Variants in TMEM127 observed in about 807,000 individuals in gnomAD.
The protein encoded by TMEM127 is transmembrane protein 127.
Under a neutral mutation model 20.1 loss-of-function variants are expected in TMEM127, and 21 were observed. The ratio of observed to expected loss-of-function variants is 1.04; its 90% CI spans 0.74 to 1.50. TMEM127 has a LOEUF of 1.50. Ranked by LOEUF, TMEM127 falls within the 40% of genes most tolerant of loss-of-function variation. TMEM127 has a pLI of 0.00. For synonymous variants in TMEM127, 150 were observed against 144.7 expected (o/e 1.04, Z -0.26); for missense variants, 303 against 317.4 (o/e 0.95, Z 0.34).
intron 2 of TMEM127, among the ~76,000 whole-genome samples, chr2:96,264,754 C>G (rs1428637829): frequency 6.6e-6 from 1 of 152,256 alleles, no homozygotes; most frequent in African/African-American, 2.4e-5. Flanking sequence ...AAAACCTAGT[C>G]ATATTAAAAG....
intron 2 of TMEM127, among the ~76,000 whole-genome samples, chr2:96,262,497 T>G (rs1041799443): frequency 6.6e-6 from 1 of 152,160 alleles, no homozygotes; most frequent in Admixed American, 6.5e-5. Context: ...CCTTACTGAT[T>G]CTTCTGTGAT....
chr2:96,263,851 T>C (rs1313090135), intron 2 of TMEM127, among the ~76,000 whole-genome samples: 1 of 152,124 alleles, frequency 6.6e-6, no homozygotes, highest in East Asian at 1.9e-4. Flanking sequence ...AGAAAGCAAG[T>C]ACAGGGCAAT....
At position 96,253,431 on chromosome 2, in the gene TMEM127, T is replaced by A; in HGVS notation, c.*377A>T. ...TGAGCCTCCAGGGCACAGTCCCCTT[T>A]CCCTTGGGCCCTTTGACACTTGTTT... On this transcript the variant is annotated 3_prime_UTR_variant, in exon 4 of 4. Coordinates refer to ENST00000258439, the MANE Select transcript of TMEM127 (RefSeq NM_017849.4). This position sits in a 1 kb window ranked among gnomAD's most constrained non-coding sequence, Gnocchi z 4.3. 9.7e-6 allele frequency: 3 copies of A among 309,926 alleles called. No individual in the cohort carries two copies. Among genetic ancestry groups the A allele is most frequent in the Admixed American group, 4.6e-5 (1 of 21,948 alleles). 19.2% of individuals were successfully genotyped at this position (309,926 alleles called of 1,614,324 possible).
At chr2:96,263,203 T>C (rs1684346392) in intron 2 of TMEM127, among the ~76,000 whole-genome samples, 1 of 151,890 alleles carries the variant, frequency 6.6e-6, no homozygotes, top group South Asian at 2.1e-4. Flanking sequence ...TACAGGCGTG[T>C]GCCACCACAC....
rs1310255001 is a variant in TMEM127, at chr2:96,253,005, C to T, written c.*803G>A. On this transcript the variant is annotated 3_prime_UTR_variant, in exon 4 of 4. Coordinates refer to ENST00000258439, the MANE Select transcript of TMEM127 (RefSeq NM_017849.4). The surrounding 1 kb of genome is among the most constrained non-coding windows in gnomAD (Gnocchi z 4.3). The stretch of plus-strand genomic sequence containing the variant: ...GTCTAAAAAGTGACAACAGTCTTGT[C>T]CCTATTTTAAAAACAGAATATTGTT... 4.3e-6 allele frequency: 1 copy of T among 233,178 alleles called. No homozygotes were observed. Among genetic ancestry groups the T allele is most frequent in the Non-Finnish European group, 8.5e-6 (1 of 118,056 alleles). The allele number at this position is 233,178 out of a possible 1,614,324, so 14.4% of individuals were successfully genotyped here.
At position 96,254,911 on chromosome 2, in the gene TMEM127, A is replaced by G. The variant is rs1558752478; in HGVS notation, c.331T>C (p.Phe111Leu). Residue 111 changes from phenylalanine to leucine, a missense_variant, in exon 3 of 4, where the codon TTC (phenylalanine) becomes CTC (leucine). By Grantham distance (22) the Phe-to-Leu change is conservative (BLOSUM62 0). Transcript: ENST00000258439. Reference protein sequence around the residue: ...FLGILCSLSAFLLDVFGPKHP... With the variant: ...FLGILCSLSALLLDVFGPKHP... ...TTCGGCCCAAAGACATCCAGAAGGA[A>G]AGCGGAGAGACTACACAGGATGCCC... The G allele has an allele frequency of 6.2e-7, 1 of 1,614,190 alleles. No homozygotes were observed. Among genetic ancestry groups the G allele is most frequent in the Non-Finnish European group, 8.5e-7 (1 of 1,180,014 alleles).
intron 2 of TMEM127, among the ~76,000 whole-genome samples, chr2:96,263,146 C>G (rs1028637566): frequency 6.6e-6 from 1 of 151,444 alleles, no homozygotes; most frequent in Non-Finnish European, 1.5e-5. Context: ...CCTCTACTTC[C>G]TGGGTTCAAG....
chr2:96,256,520 G>A lies in TMEM127; in HGVS notation c.245-1523C>T, dbSNP rs111864756. 4.4e-4 allele frequency among the ~76,000 whole-genome samples: 65 copies of A among 147,346 alleles called. 2 individuals carry two copies. The East Asian group carries it at 6.9e-3, about 16-fold the overall frequency. ...TGGGAGATGGAGGTTGCGGTGAGCC[G>A]AGATTGCGCCTTCACACTCCAGCAT... On this transcript the variant is annotated intron_variant, in intron 2 of 3. Coordinates refer to ENST00000258439, the MANE Select transcript of TMEM127 (RefSeq NM_017849.4).
At chr2:96,257,907 C>T (rs960684563) in intron 2 of TMEM127, among the ~76,000 whole-genome samples, 6 of 138,762 alleles carry the variant, frequency 4.3e-5, no homozygotes, top group African/African-American at 1.5e-4. Context: ...AGAGTGACTC[C>T]GCCTCAAAAA....
Position 96,265,860 on chromosome 2 carries a change from G to A in TMEM127, c.-132+9C>T. ...AAAGACCCTCCCCACGCCGCCCACT[G>A]TTCCTCACCAGTCAGCAGGCCCCAG... On this transcript the variant is annotated intron_variant, in intron 1 of 3. Transcript: ENST00000258439. 5.8e-6 allele frequency: 1 copy of A among 173,216 alleles called. No homozygotes were observed. The highest frequency in any genetic ancestry group is 1.2e-5 in the Non-Finnish European group (1 of 82,002). The allele number at this position is 173,216 out of a possible 1,614,324, so 10.7% of individuals were successfully genotyped here. A position where few individuals can be genotyped will look rare whatever the true frequency, so the allele number is the denominator to read the frequency against.
intron 2 of TMEM127, among the ~76,000 whole-genome samples, chr2:96,262,119 G>A (rs1040616311): frequency 2.0e-5 from 3 of 152,124 alleles, no homozygotes; most frequent in Admixed American, 6.5e-5. Flanking sequence ...AAATTAGCTG[G>A]GCATGGTGGA....
At chr2:96,259,065 A>G (rs1453302839) in intron 2 of TMEM127, among the ~76,000 whole-genome samples, 1 of 152,352 alleles carries the variant, frequency 6.6e-6, no homozygotes, top group East Asian at 1.9e-4. Context: ...ATTATACATG[A>G]ATTTTACTAG....
At position 96,265,327 on chromosome 2, in the gene TMEM127, C is replaced by G. The variant is rs774322340; in HGVS notation, c.55G>C (p.Gly19Arg). The change falls in exon 2 of 4, where the codon GGA becomes CGA. Residue 19 changes from glycine (G) to arginine (R), a missense_variant. Gly to Arg is a moderately radical substitution (Grantham distance 125). Coordinates refer to ENST00000258439, the MANE Select transcript of TMEM127 (RefSeq NM_017849.4). Reference sequence around the variant, plus strand: ...GGCTGCTTGGGCAGAGCGCTGCCTCCCGGGCTCCTCCGCCGGCGCCCGCCG... The same window carrying G: ...GGCTGCTTGGGCAGAGCGCTGCCTCGCGGGCTCCTCCGCCGGCGCCCGCCG... ...LPGGRRRRSP[G>R]GSALPKQPER... The G allele has an allele frequency of 5.9e-6, 9 of 1,520,976 alleles. No homozygotes were observed. Among genetic ancestry groups the G allele is most frequent in the Non-Finnish European group, 7.9e-6 (9 of 1,138,946 alleles). 94.2% of individuals were successfully genotyped at this position (1,520,976 alleles called of 1,614,324 possible).
chr2:96,256,262 T>A lies in TMEM127; in HGVS notation c.245-1265A>T, dbSNP rs112060993. ...CTCCAGCCTGGTGACAGAGTGAGAC[T>A]CTGTCTCAAAAAAAAAAAAAAAAAT... On this transcript the variant is annotated intron_variant, in intron 2 of 3. Transcript: ENST00000258439. 7.6e-3 allele frequency among the ~76,000 whole-genome samples: 929 copies of A among 122,604 alleles called. 12 individuals are homozygous for A. Among genetic ancestry groups the A allele is most frequent in the African/African-American group, 0.028 (876 of 31,466 alleles). The allele number at this position is 122,604 out of a possible 152,430, so 80.4% of individuals were successfully genotyped here.
chr2:96,255,300 T>C (rs569326815), intron 2 of TMEM127, among the ~76,000 whole-genome samples: 18 of 152,338 alleles, frequency 1.2e-4, no homozygotes, highest in African/African-American at 4.1e-4. Context: ...ACACTGACAG[T>C]TAACCTGACA....
At chr2:96,258,464 G>C (rs1043944937) in intron 2 of TMEM127, among the ~76,000 whole-genome samples, 6 of 152,226 alleles carry the variant, frequency 3.9e-5, no homozygotes, top group Admixed American at 1.3e-4. Flanking sequence ...GCCCAGCAGA[G>C]GCTGGCTGGG....
In TMEM127 at chr2:96,249,512, C is replaced by A; in HGVS notation, c.*4296G>T. 4.4e-6 allele frequency: 1 copy of A among 227,872 alleles called. No individual in the cohort carries two copies. The highest frequency in any genetic ancestry group is 8.7e-6 in the Non-Finnish European group (1 of 114,678). 14.1% of individuals were successfully genotyped at this position (227,872 alleles called of 1,614,324 possible). On this transcript the variant is annotated 3_prime_UTR_variant, in exon 4 of 4. Transcript: ENST00000258439. ...AGTGGCTCAAGCCTGTAATCCCAAC[C>A]CTTTGGGAAGGGAGGCAGAAGGATT...
rs1414767667 is a variant in TMEM127, at chr2:96,252,609, G to A, written c.*1199C>T. ...CAGAGTCTAGGGCAGCACTGGGTCT[G>A]AAGGACACAGCCCGGCCTGCTGGGC... On this transcript the variant is annotated 3_prime_UTR_variant, in exon 4 of 4. Transcript: ENST00000258439. This position sits in a 1 kb window ranked among gnomAD's most constrained non-coding sequence, Gnocchi z 4.2. 3 of 233,876 alleles carry A rather than the reference G, an allele frequency of 1.3e-5. No individual in the cohort carries two copies. Among genetic ancestry groups the A allele is most frequent in the African/African-American group, 6.6e-5 (3 of 45,368 alleles). The allele number at this position is 233,876 out of a possible 1,614,324, so 14.5% of individuals were successfully genotyped here. A position where few individuals can be genotyped will look rare whatever the true frequency, so the allele number is the denominator to read the frequency against.
rs1269002433 is a variant in TMEM127, at chr2:96,265,325, T to G, written c.57A>C (p.Gly19=). The G allele has an allele frequency of 6.6e-7, 1 of 1,523,786 alleles. No individual in the cohort carries two copies. Among genetic ancestry groups the G allele is most frequent in the East Asian group, 2.5e-5 (1 of 40,346 alleles). 94.4% of individuals were successfully genotyped at this position (1,523,786 alleles called of 1,614,324 possible). Reference sequence around the variant, plus strand: ...CCGGCTGCTTGGGCAGAGCGCTGCCTCCCGGGCTCCTCCGCCGGCGCCCGC... The same window carrying G: ...CCGGCTGCTTGGGCAGAGCGCTGCCGCCCGGGCTCCTCCGCCGGCGCCCGC... ...LPGGRRRRSP[G]GSALPKQPER... The change falls in exon 2 of 4, where the codon GGA becomes GGC. Residue 19 remains glycine, a synonymous_variant. Transcript: ENST00000258439.
Sources: allele counts gnomAD v4.1 joint callset (sites outside exome capture counted in the v4.1 genomes callset), GRCh38; gene constraint gnomAD v4.1.1; non-coding constraint Gnocchi (gnomAD v3.1); transcripts MANE v1.5; gene names NCBI Gene and HGNC (gene_info 2026-07-23, HGNC 2026-07-21).